CCSER1: variants seen among roughly 807,000 people sequenced by gnomAD.
CCSER1 encodes the protein serine-rich coiled-coil domain-containing protein 1.
In CCSER1, 41 loss-of-function variants were observed where a neutral mutation model predicts 82.0. That is an observed-to-expected ratio of 0.50 (90% CI 0.39 to 0.65). The LOEUF (loss-of-function observed/expected upper bound fraction) is 0.65. Ranked by LOEUF, CCSER1 falls within the 30% of genes least tolerant of loss-of-function variation. The pLI is 0.00. For missense variants in CCSER1, 1,119 were observed against 1,064.2 expected (o/e 1.05, Z -0.72); for synonymous variants, 414 against 383.9 (o/e 1.08, Z -0.92).
At chr4:91,526,077 C>T (rs2110154848) in intron 10 of CCSER1, among the ~76,000 whole-genome samples, 1 of 152,302 alleles carries the variant, frequency 6.6e-6, no homozygotes, top group African/African-American at 2.4e-5. Flanking sequence ...ATCTCCTTTT[C>T]CCTTTTTCTT....
intron 10 of CCSER1, among the ~76,000 whole-genome samples, chr4:91,483,657 A>G (rs2110051941): frequency 6.6e-6 from 1 of 152,194 alleles, no homozygotes; most frequent in African/African-American, 2.4e-5. Context: ...GCTGGTCTCG[A>G]ACTCCTGACC....
intron 9 of CCSER1, among the ~76,000 whole-genome samples, chr4:90,996,589 T>C (rs1269517266): frequency 6.6e-6 from 1 of 152,144 alleles, no homozygotes; most frequent in Non-Finnish European, 1.5e-5. Context: ...ACTAAAACTT[T>C]AAATCATTCT....
intron 1 of CCSER1, among the ~76,000 whole-genome samples, chr4:90,204,902 C>A (rs1738495389): frequency 6.6e-6 from 1 of 152,074 alleles, no homozygotes. Context: ...TTTAAGAGGT[C>A]CTTTACATCC....
chr4:91,513,708 G>A (rs1369865742), intron 10 of CCSER1, among the ~76,000 whole-genome samples: 2 of 152,052 alleles, frequency 1.3e-5, no homozygotes, highest in African/African-American at 4.8e-5. Flanking sequence ...TGTGTTTCCA[G>A]GAATTTATTC....
chr4:90,767,939 C>T (rs1561100562), intron 7 of CCSER1, among the ~76,000 whole-genome samples: 1 of 152,182 alleles, frequency 6.6e-6, no homozygotes, highest in South Asian at 2.1e-4. Flanking sequence ...AGGCATGGGC[C>T]ACCATGCCTG....
chr4:90,857,623 C>A (rs183827843), intron 8 of CCSER1, among the ~76,000 whole-genome samples: 3 of 152,200 alleles, frequency 2.0e-5, no homozygotes, highest in Admixed American at 2.0e-4. Context: ...ACATCAGCCA[C>A]ATGACATAGA....
In CCSER1 at chr4:91,479,277, G is replaced by A. The variant is rs927856174; in HGVS notation, c.2218-119295G>A. ...AGGGAACTATTTAAATATAAAAAGC[G>A]ATGGGATTACATGGATTCCGTGAAA... On this transcript the variant is annotated intron_variant, in intron 10 of 10. Coordinates refer to ENST00000509176, the MANE Select transcript of CCSER1 (RefSeq NM_001145065.2). 1.1e-4 allele frequency among the ~76,000 whole-genome samples: 17 copies of A among 151,564 alleles called. No homozygotes were observed. The East Asian group carries it at 1.2e-3, about 10-fold the overall frequency.
chr4:90,432,879 A>T (rs187207699), intron 4 of CCSER1, among the ~76,000 whole-genome samples: 5 of 152,226 alleles, frequency 3.3e-5, no homozygotes, highest in African/African-American at 1.2e-4. Context: ...CTGGGGAAGT[A>T]TATTCTTCTG....
intron 4 of CCSER1, among the ~76,000 whole-genome samples, chr4:90,423,379 C>G (rs377603450): frequency 1.9e-4 from 29 of 152,188 alleles, no homozygotes; most frequent in East Asian, 1.6e-3. Flanking sequence ...GCGCGTGCCA[C>G]CATGCCCGAA....
At chr4:91,275,100 C>T (rs961305379) in intron 10 of CCSER1, among the ~76,000 whole-genome samples, 40 of 150,730 alleles carry the variant, frequency 2.7e-4, no homozygotes, top group South Asian at 6.3e-4. Context: ...AGCGAGACTC[C>T]GTCTAAAAAA....
At chr4:91,588,337 G>T (rs1434754743) in intron 10 of CCSER1, among the ~76,000 whole-genome samples, 3 of 151,478 alleles carry the variant, frequency 2.0e-5, no homozygotes, top group African/African-American at 7.3e-5. Context: ...GAAAAAAGTG[G>T]TTGGCTATTT....
chr4:91,082,880 A>G (rs1722939033), intron 9 of CCSER1, among the ~76,000 whole-genome samples: 1 of 152,344 alleles, frequency 6.6e-6, no homozygotes, highest in African/African-American at 2.4e-5. Context: ...CACACCAGTT[A>G]GAATGACGAT....
At chr4:90,724,924 T>C (rs902558953) in intron 7 of CCSER1, 1 of 380,208 alleles carries the variant, frequency 2.6e-6, no homozygotes, top group Non-Finnish European at 5.2e-6. Flanking sequence ...TGCTGTCTTG[T>C]TGAAATGATA....
At chr4:90,223,712 G>A (rs1441175753) in intron 1 of CCSER1, among the ~76,000 whole-genome samples, 1 of 152,184 alleles carries the variant, frequency 6.6e-6, no homozygotes, top group African/African-American at 2.4e-5. Flanking sequence ...AGTGATTTCA[G>A]TGAAATAATT....
intron 4 of CCSER1, among the ~76,000 whole-genome samples, chr4:90,405,025 T>A (rs908522113): frequency 6.6e-6 from 1 of 151,932 alleles, no homozygotes; most frequent in Admixed American, 6.6e-5. Context: ...ATCTCTGAAT[T>A]GCCGTAAAAA....
chr4:90,898,565 G>A (rs923520841), intron 8 of CCSER1, among the ~76,000 whole-genome samples: 2 of 151,828 alleles, frequency 1.3e-5, no homozygotes, highest in African/African-American at 4.8e-5. Flanking sequence ...TGGAATTACA[G>A]GTGTGAGCCA....
intron 9 of CCSER1, among the ~76,000 whole-genome samples, chr4:91,080,479 T>A (rs1302395785): frequency 6.6e-6 from 1 of 152,074 alleles, no homozygotes; most frequent in Admixed American, 6.5e-5. Context: ...AGATTTAAAA[T>A]TGACACCCTA....
chr4:91,190,074 T>G (rs1259471408), intron 10 of CCSER1, among the ~76,000 whole-genome samples: 1 of 152,168 alleles, frequency 6.6e-6, no homozygotes, highest in Non-Finnish European at 1.5e-5. Context: ...GGCTATAGCC[T>G]TAATTTACTA....
At chr4:91,006,393 A>G (rs1175014037) in intron 9 of CCSER1, among the ~76,000 whole-genome samples, 1 of 151,742 alleles carries the variant, frequency 6.6e-6, no homozygotes, top group African/African-American at 2.4e-5. Flanking sequence ...TTTTTGATGC[A>G]TTATTTAGGG....
Sources: gnomAD v4.1 joint callset for allele counts (sites outside exome capture counted in the v4.1 genomes callset) on GRCh38, gnomAD v4.1.1 for gene constraint, MANE v1.5 for transcripts, NCBI Gene and HGNC (gene_info 2026-07-23, HGNC 2026-07-21) for gene names.